Variants in MAN2A1 observed in about 807,000 individuals in gnomAD.
MAN2A1 encodes mannosidase alpha class 2A member 1.
MAN2A1 carries 76 observed loss-of-function variants against 142.6 expected under a neutral mutation model. That is an observed-to-expected ratio of 0.53 (90% CI 0.44 to 0.65). The LOEUF is 0.65. Among genes scored for constraint, MAN2A1 ranks in the 30% least tolerant of loss-of-function variants. The pLI is 0.00. For missense variants in MAN2A1, 1,311 were observed against 1,365.1 expected, an observed-to-expected ratio of 0.96 and a Z score of 0.62; for synonymous variants, 559 against 473.2, an observed-to-expected ratio of 1.18 and a Z score of -2.35.
chr5:109,758,407 A>T (rs560729681), intron 5 of MAN2A1, among the ~76,000 whole-genome samples: 4 of 151,502 alleles, frequency 2.6e-5, no homozygotes, highest in African/African-American at 4.8e-5. Flanking sequence ...AATTTTTTTT[A>T]TATATTGTGG....
At chr5:109,778,707 T>A (rs1264884269) in intron 8 of MAN2A1, among the ~76,000 whole-genome samples, 1 of 152,160 alleles carries the variant, frequency 6.6e-6, no homozygotes, top group Non-Finnish European at 1.5e-5. Flanking sequence ...TTTTTATCCC[T>A]TAAGTTCTGG....
At position 109,803,892 on chromosome 5, in the gene MAN2A1, TA is replaced by T. The variant is rs1185022457; in HGVS notation, c.1944-13375del. 1.2e-4 allele frequency among the ~76,000 whole-genome samples: 18 copies of T among 152,102 alleles called. 1 individual carries two copies. The highest frequency in any genetic ancestry group is 1.2e-3 in the Admixed American group (18 of 15,258). On this transcript the variant is annotated intron_variant, in intron 12 of 21. Transcript: ENST00000261483. Reference sequence around the variant, plus strand: ...AAATATCTGGAGTATGAGTGATTTTTAAAAAATGATTTCTATTGGGGTGGGA... The same window carrying T: ...AAATATCTGGAGTATGAGTGATTTTTAAAAATGATTTCTATTGGGGTGGGA...
chr5:109,850,998 A>T (rs1464148155), intron 19 of MAN2A1, among the ~76,000 whole-genome samples: 3 of 152,202 alleles, frequency 2.0e-5, no homozygotes, highest in Non-Finnish European at 2.9e-5. Flanking sequence ...AGAGTTCTTA[A>T]TTTCAACTCA....
At position 109,755,399 on chromosome 5, in the gene MAN2A1, T is replaced by A; in HGVS notation, c.778T>A (p.Tyr260Asn). The change falls in exon 5 of 22, where the codon TAT (tyrosine) becomes AAT (asparagine). Residue 260 changes from tyrosine to asparagine, a missense_variant. By Grantham distance (143) the Tyr-to-Asn change is moderately radical. Transcript: ENST00000261483. ...TATGCCTGATGAAGCTACTCCACAT[T>A]ATTTTGCCTTAATTGATCAACTAAT... ...WVMPDEATPH[Y>N]FALIDQLIEG... 6.2e-7 allele frequency: 1 copy of A among 1,610,972 alleles called. No homozygotes were observed. The highest frequency in any genetic ancestry group is 1.1e-5 in the South Asian group (1 of 91,014).
chr5:109,756,937 G>A (rs1752704711), intron 5 of MAN2A1, among the ~76,000 whole-genome samples: 1 of 152,166 alleles, frequency 6.6e-6, no homozygotes, highest in Non-Finnish European at 1.5e-5. Flanking sequence ...CCCAACATTG[G>A]ACACTGAGTC....
intron 5 of MAN2A1, among the ~76,000 whole-genome samples, chr5:109,760,882 C>A (rs1429562330): frequency 6.6e-6 from 1 of 151,866 alleles, no homozygotes; most frequent in South Asian, 2.1e-4. Context: ...CTTTATTAGT[C>A]TTACTAGCTA....
intron 4 of MAN2A1, among the ~76,000 whole-genome samples, chr5:109,748,405 T>G (rs999603477): frequency 6.6e-6 from 1 of 151,808 alleles, no homozygotes; most frequent in Non-Finnish European, 1.5e-5. Flanking sequence ...TTTTGCCTTT[T>G]TTTTTTTTTT....
intron 6 of MAN2A1, among the ~76,000 whole-genome samples, chr5:109,769,943 C>T (rs1344813737): frequency 6.6e-6 from 1 of 152,180 alleles, no homozygotes; most frequent in East Asian, 1.9e-4. Context: ...CACCCAGCCT[C>T]TGCAGCTAAT....
At chr5:109,753,286 C>G (rs995135779) in intron 4 of MAN2A1, among the ~76,000 whole-genome samples, 2 of 152,084 alleles carry the variant, frequency 1.3e-5, no homozygotes, top group Non-Finnish European at 2.9e-5. Flanking sequence ...CAGGCAATCA[C>G]CAGAAAGATA....
At chr5:109,712,714 A>G (rs1175869035) in intron 1 of MAN2A1, among the ~76,000 whole-genome samples, 1 of 152,174 alleles carries the variant, frequency 6.6e-6, no homozygotes, top group East Asian at 1.9e-4. Flanking sequence ...CCTAGCATAC[A>G]TGCCTGACAC....
intron 4 of MAN2A1, among the ~76,000 whole-genome samples, chr5:109,752,384 C>T (rs797017096): frequency 4.6e-5 from 7 of 152,260 alleles, no homozygotes; most frequent in African/African-American, 7.2e-5. Context: ...TCATTAATTC[C>T]TCATTTATGT....
At chr5:109,805,161 AAGC>A (rs1754132576) in intron 12 of MAN2A1, among the ~76,000 whole-genome samples, 1 of 152,186 alleles carries the variant, frequency 6.6e-6, no homozygotes, top group African/African-American at 2.4e-5. Flanking sequence ...AACTCAGAGA[AAGC>A]AACTTAATTG....
chr5:109,707,753 G>A (rs1751177360), intron 1 of MAN2A1, among the ~76,000 whole-genome samples: 1 of 152,134 alleles, frequency 6.6e-6, no homozygotes, highest in Non-Finnish European at 1.5e-5. Context: ...AGATGAAGGT[G>A]AAGCTAAGTT....
chr5:109,799,933 C>T (rs963950004), intron 12 of MAN2A1, among the ~76,000 whole-genome samples: 1 of 151,816 alleles, frequency 6.6e-6, no homozygotes, highest in East Asian at 1.9e-4. Context: ...ACAGAAAATA[C>T]AAAAATTAGC....
chr5:109,831,924 T>A (rs2112742661), intron 16 of MAN2A1, among the ~76,000 whole-genome samples: 1 of 151,992 alleles, frequency 6.6e-6, no homozygotes, highest in Admixed American at 6.5e-5. Context: ...TTGTATGCAG[T>A]TGGTCAAAAA....
intron 19 of MAN2A1, among the ~76,000 whole-genome samples, chr5:109,849,902 G>C (rs1262736171): frequency 6.6e-6 from 1 of 152,072 alleles, no homozygotes; most frequent in Non-Finnish European, 1.5e-5. Flanking sequence ...AGGCCCACTG[G>C]TTTCCTTTAA....
chr5:109,819,981 A>C (rs537759761), intron 14 of MAN2A1, 94 bp downstream of exon 14: 1 of 949,098 alleles, frequency 1.1e-6, no homozygotes, highest in East Asian at 2.4e-5. Flanking sequence ...AAAAGTCTTA[A>C]GTAGAGCTGT....
At chr5:109,731,603 C>G (rs535923692) in intron 4 of MAN2A1, among the ~76,000 whole-genome samples, 1 of 145,974 alleles carries the variant, frequency 6.9e-6, no homozygotes. Flanking sequence ...TGAGTGAGAA[C>G]ATGTGGTGTT....
rs1378840385 is a variant in MAN2A1 at position 109,867,673 on chromosome 5, G to A, written c.*675G>A. The stretch of plus-strand genomic sequence containing the variant: ...ATATTTTCATTACTTGACAATGTGG[G>A]ATGGGTGCAATTTATTCCATCTTCA... On this transcript the variant is annotated 3_prime_UTR_variant, in exon 22 of 22. Coordinates refer to ENST00000261483, the MANE Select transcript of MAN2A1 (RefSeq NM_002372.4). 1.3e-5 allele frequency: 2 copies of A among 152,522 alleles called. No individual in the cohort carries two copies. Among genetic ancestry groups the A allele is most frequent in the South Asian group, 2.1e-4 (1 of 4,822 alleles). The allele number at this position is 152,522 out of a possible 1,614,324, so 9.4% of individuals were successfully genotyped here. A position where few individuals can be genotyped will look rare whatever the true frequency, so the allele number is the denominator to read the frequency against.
Sources: allele counts gnomAD v4.1 joint callset (sites outside exome capture counted in the v4.1 genomes callset), GRCh38; gene constraint gnomAD v4.1.1; transcripts MANE v1.5; gene names NCBI Gene and HGNC (gene_info 2026-07-23, HGNC 2026-07-21).